LRFN2: variants seen among roughly 807,000 people sequenced by gnomAD.
The protein encoded by LRFN2 is leucine-rich repeat and fibronectin type-III domain-containing protein 2.
Under a neutral mutation model 37.3 loss-of-function variants are expected in LRFN2, and 18 were observed. That is an observed-to-expected ratio of 0.48 (90% confidence interval 0.33 to 0.72). The LOEUF is 0.72. LRFN2 is among the 30% of genes least tolerant of loss of function. The pLI is 0.02. For synonymous variants in LRFN2, 556 were observed against 466.6 expected (o/e 1.19, Z -2.47); for missense variants, 1,006 against 1,060.7 (o/e 0.95, Z 0.72).
intron 2 of LRFN2, among the ~76,000 whole-genome samples, chr6:40,419,531 A>G (rs9394688): frequency 0.55 from 83,533 of 152,030 alleles, 23,274 homozygotes; most frequent in Admixed American, 0.59. Context: ...GCCAACCTGC[A>G]GAGCTATGAC....
At chr6:40,454,893 G>A (rs1313266866) in intron 1 of LRFN2, among the ~76,000 whole-genome samples, 2 of 152,088 alleles carry the variant, frequency 1.3e-5, no homozygotes, top group Non-Finnish European at 2.9e-5. Context: ...TCCCTGAAAA[G>A]GACACATACA....
rs376356755 is a variant in LRFN2, at chr6:40,582,891, C to T, written c.-19+4050G>A. Among the ~76,000 whole-genome samples the T allele has an allele frequency of 8.1e-4, 124 of 152,192 alleles. 4 individuals are homozygous for T. In the South Asian group the frequency reaches 0.025, roughly 30 times the overall value. On this transcript the variant is annotated intron_variant, in intron 1 of 2. Transcript: ENST00000338305. The stretch of plus-strand genomic sequence containing the variant: ...TTGGGCAGTCAACCCAACACTGTCC[C>T]GACCTCCCATCTTGATAAAATGGAG...
chr6:40,548,307 G>C (rs1009023565), intron 1 of LRFN2, among the ~76,000 whole-genome samples: 2 of 152,080 alleles, frequency 1.3e-5, no homozygotes, highest in African/African-American at 4.8e-5. Context: ...TGGACATGGT[G>C]GTGGGCACCT....
At chr6:40,455,721 G>T (rs1336362871) in intron 1 of LRFN2, among the ~76,000 whole-genome samples, 1 of 152,170 alleles carries the variant, frequency 6.6e-6, no homozygotes, top group Non-Finnish European at 1.5e-5. Context: ...CAAGATATCA[G>T]AAGGGGAGGA....
chr6:40,503,960 A>G (rs1263012058), intron 1 of LRFN2, among the ~76,000 whole-genome samples: 1 of 136,030 alleles, frequency 7.4e-6, no homozygotes. Flanking sequence ...GAATGGAGGC[A>G]AAAAAAAAAA....
At position 40,562,427 on chromosome 6, in the gene LRFN2, C is replaced by T. The variant is rs928831590; in HGVS notation, c.-19+24514G>A. Among the ~76,000 whole-genome samples the T allele has an allele frequency of 8.6e-5, 13 of 150,890 alleles. No individual in the cohort carries two copies. In the East Asian group the frequency reaches 1.4e-3, roughly 16 times the overall value. ...TAGAAACTGGTCAGGTGAACAAGTA[C>T]GGTACAGGGGGAGGGCAGGGCAGTG... On this transcript the variant is annotated intron_variant, in intron 1 of 2. Transcript: ENST00000338305.
intron 1 of LRFN2, among the ~76,000 whole-genome samples, chr6:40,561,306 G>A (rs1766990053): frequency 6.6e-6 from 1 of 152,192 alleles, no homozygotes. Flanking sequence ...CACATGGAAG[G>A]TCAGGGCTAA....
rs1265908831 is a variant in LRFN2, at chr6:40,587,272, C to T, written c.-350G>A. 2.6e-5 allele frequency: 4 copies of T among 152,198 alleles called. No individual in the cohort carries two copies. Among genetic ancestry groups the T allele is most frequent in the Non-Finnish European group, 4.4e-5 (3 of 68,030 alleles). The allele number at this position is 152,198 out of a possible 1,614,324, so 9.4% of individuals were successfully genotyped here. ...TAGGATTTTCCGGATCGAAGAACCC[C>T]AGGCATTCCCAGGAACCTCGGGCAT... On this transcript the variant is annotated 5_prime_UTR_variant, in exon 1 of 3. An upstream open reading frame in the 5' UTR gains an earlier in-frame stop. Coordinates refer to ENST00000338305, the MANE Select transcript of LRFN2 (RefSeq NM_020737.3). This position sits in a 1 kb window ranked among gnomAD's most constrained non-coding sequence, Gnocchi z 4.2.
rs1307437839 is a variant in LRFN2 at position 40,577,592 on chromosome 6, C to G, written c.-19+9349G>C. Among the ~76,000 whole-genome samples, 3 of 96,878 alleles carry G rather than the reference C, an allele frequency of 3.1e-5. No individual in the cohort carries two copies. The East Asian group carries it at 8.3e-4, about 27-fold the overall frequency. The allele number at this position is 96,878 out of a possible 152,430, so 63.6% of individuals were successfully genotyped here. ...ATGCTATCCCTCTCCCCTCCCCCCA[C>G]CCCACCACAGTCCCCGGAGTGTGAT... On this transcript the variant is annotated intron_variant, in intron 1 of 2. Transcript: ENST00000338305.
At chr6:40,503,959 C>CAA (rs200287327) in intron 1 of LRFN2, among the ~76,000 whole-genome samples, 2,599 of 118,244 alleles carry the variant, frequency 0.022, 46 homozygotes, top group East Asian at 0.07. Context: ...GGAATGGAGG[C>CAA]AAAAAAAAAA....
intron 1 of LRFN2, among the ~76,000 whole-genome samples, chr6:40,489,245 C>T (rs921657515): frequency 5.9e-5 from 9 of 152,150 alleles, no homozygotes; most frequent in African/African-American, 1.9e-4. Flanking sequence ...AACAAAAACA[C>T]GAACAACAGA....
At chr6:40,455,017 A>G (rs1185015782) in intron 1 of LRFN2, among the ~76,000 whole-genome samples, 1 of 152,230 alleles carries the variant, frequency 6.6e-6, no homozygotes, top group African/African-American at 2.4e-5. Flanking sequence ...AGGACATAAA[A>G]AAGACGTCCT....
intron 1 of LRFN2, among the ~76,000 whole-genome samples, chr6:40,469,124 A>C (rs1764539111): frequency 6.6e-6 from 1 of 152,144 alleles, no homozygotes; most frequent in South Asian, 2.1e-4. Flanking sequence ...ACAGGAGGGG[A>C]AGACACACAG....
At chr6:40,470,251 A>T (rs1471136976) in intron 1 of LRFN2, among the ~76,000 whole-genome samples, 1 of 152,178 alleles carries the variant, frequency 6.6e-6, no homozygotes, top group Admixed American at 6.5e-5. Context: ...CACTCCTTCC[A>T]CACCTGCTCA....
intron 2 of LRFN2, among the ~76,000 whole-genome samples, chr6:40,401,242 T>C (rs1762733689): frequency 6.6e-6 from 1 of 151,982 alleles, no homozygotes; most frequent in South Asian, 2.1e-4. Context: ...GCTTCCAGTC[T>C]AGGCTACACT....
chr6:40,559,612 G>A (rs1244879630), intron 1 of LRFN2, among the ~76,000 whole-genome samples: 2 of 152,096 alleles, frequency 1.3e-5, no homozygotes, highest in African/African-American at 4.8e-5. Context: ...GCTAATATCA[G>A]GCCTTTTGAC....
At chr6:40,448,286 C>G (rs1402633147) in intron 1 of LRFN2, among the ~76,000 whole-genome samples, 1 of 152,066 alleles carries the variant, frequency 6.6e-6, no homozygotes, top group Non-Finnish European at 1.5e-5. Flanking sequence ...TCCTGCAACC[C>G]CCTGGGTTTG....
intron 1 of LRFN2, among the ~76,000 whole-genome samples, chr6:40,561,448 T>C (rs1258505336): frequency 6.6e-6 from 1 of 152,204 alleles, no homozygotes; most frequent in East Asian, 1.9e-4. Flanking sequence ...AACTTCCCCA[T>C]GAGCACTGTT....
At chr6:40,397,879 G>A (rs1762648595) in intron 2 of LRFN2, among the ~76,000 whole-genome samples, 2 of 149,618 alleles carry the variant, frequency 1.3e-5, no homozygotes, top group Admixed American at 6.6e-5. Context: ...GCCGGCCCAT[G>A]GACTGTTTGT....
Sources: gnomAD v4.1 joint callset for allele counts (sites outside exome capture counted in the v4.1 genomes callset) on GRCh38, gnomAD v4.1.1 for gene constraint, Gnocchi (gnomAD v3.1) non-coding constraint, MANE v1.5 for transcripts, NCBI Gene and HGNC (gene_info 2026-07-23, HGNC 2026-07-21) for gene names.